GRK4: variants seen among roughly 807,000 people sequenced by gnomAD.
The protein encoded by GRK4 is G protein-coupled receptor kinase 4.
In GRK4, 73 loss-of-function variants were observed where a neutral mutation model predicts 77.9. The ratio of observed to expected loss-of-function variants is 0.94; its 90% CI spans 0.78 to 1.14. The LOEUF is 1.14. Among genes scored for constraint, GRK4 ranks in the 50% most tolerant of loss-of-function variants. The pLI, the probability that GRK4 is intolerant of heterozygous loss-of-function variation, is 0.00. For missense variants in GRK4, 729 were observed against 700.2 expected, an observed-to-expected ratio of 1.04 and a Z score of -0.46; for synonymous variants, 257 against 254.4, an observed-to-expected ratio of 1.01 and a Z score of -0.10.
rs538182816 is a variant in GRK4 at position 3,017,426 on chromosome 4, G to T, written c.742-2215G>T. Among the ~76,000 whole-genome samples, 4 of 152,300 alleles carry T rather than the reference G, an allele frequency of 2.6e-5. No homozygotes were observed. The South Asian group carries it at 8.3e-4, about 32-fold the overall frequency. On this transcript the variant is annotated intron_variant, in intron 8 of 15. Transcript: ENST00000398052. ...TTAGGACAGAGCTCCTCAGGGCCAT[G>T]CTCACCACTGCATCCCAGCTGCCCA...
At chr4:3,009,354 G>A (rs1302359897) in intron 6 of GRK4, among the ~76,000 whole-genome samples, 3 of 151,512 alleles carry the variant, frequency 2.0e-5, no homozygotes, top group Non-Finnish European at 4.4e-5. Flanking sequence ...TCCAGGAGGC[G>A]GAGGTTGCAG....
In GRK4 at chr4:3,038,396, C is replaced by G. The variant is rs1445949407; in HGVS notation, c.1566C>G (p.Phe522Leu). The G allele has an allele frequency of 1.2e-6, 2 of 1,614,158 alleles. No homozygotes were observed. Among genetic ancestry groups the G allele is most frequent in the African/African-American group, 2.7e-5 (2 of 75,050 alleles). The change falls in exon 15 of 16, where the codon TTC becomes TTG. Residue 522 changes from phenylalanine (F) to leucine (L), a missense_variant. Transcript: ENST00000398052. ...WQNEMIESGC[F>L]KDINKSESEE... ...TGCAGATGATCGAATCTGGGTGTTT[C>G]AAAGACATCAACAAAAGTGAAAGTG...
At chr4:2,965,296 C>T (rs1451112723) in intron 1 of GRK4, 3 of 702,912 alleles carry the variant, frequency 4.3e-6, no homozygotes, top group Non-Finnish European at 7.8e-6. Context: ...CAGCGGGAGA[C>T]CCCCACAATC....
At chr4:2,996,005 G>A (rs1376008560) in intron 4 of GRK4, among the ~76,000 whole-genome samples, 1 of 152,180 alleles carries the variant, frequency 6.6e-6, no homozygotes, top group Non-Finnish European at 1.5e-5. Flanking sequence ...TAGCTCAAGG[G>A]GGAGTGAGTC....
intron 8 of GRK4, among the ~76,000 whole-genome samples, chr4:3,015,201 A>T (rs73084128): frequency 0.057 from 8,668 of 152,224 alleles, 420 homozygotes; most frequent in African/African-American, 0.13. Context: ...ACCTAATTAC[A>T]TATGTCCTGT....
intron 1 of GRK4, among the ~76,000 whole-genome samples, chr4:2,964,553 G>T (rs1192823820): frequency 6.6e-6 from 1 of 152,132 alleles, no homozygotes; most frequent in Non-Finnish European, 1.5e-5. Flanking sequence ...TACTCTGGGC[G>T]AGAACCTTCC....
intron 1 of GRK4, among the ~76,000 whole-genome samples, chr4:2,979,060 T>C (rs1246177785): frequency 1.3e-5 from 2 of 151,820 alleles, no homozygotes; most frequent in Non-Finnish European, 2.9e-5. Flanking sequence ...AAACACCGTC[T>C]GTAAATACAA....
intron 3 of GRK4, among the ~76,000 whole-genome samples, chr4:2,991,661 G>A (rs888033478): frequency 2.0e-5 from 3 of 151,902 alleles, no homozygotes; most frequent in African/African-American, 7.3e-5. Context: ...ACAGGTATGC[G>A]CCACCACACC....
chr4:2,968,704 T>C (rs1461439258), intron 1 of GRK4, among the ~76,000 whole-genome samples: 3 of 152,006 alleles, frequency 2.0e-5, no homozygotes, highest in South Asian at 2.1e-4. Context: ...AAGCAGTGAG[T>C]GCCACGGGAG....
intron 12 of GRK4, among the ~76,000 whole-genome samples, chr4:3,035,055 A>G (rs1740209146): frequency 6.6e-6 from 1 of 151,860 alleles, no homozygotes; most frequent in Non-Finnish European, 1.5e-5. Flanking sequence ...CAGGAGATGG[A>G]GACCACGGTG....
At chr4:3,006,910 G>A (rs1731507467) in intron 5 of GRK4, among the ~76,000 whole-genome samples, 2 of 152,120 alleles carry the variant, frequency 1.3e-5, no homozygotes, top group African/African-American at 4.8e-5. Context: ...TCTTCATCTG[G>A]GATGCCACAG....
intron 1 of GRK4, among the ~76,000 whole-genome samples, chr4:2,971,856 G>A (rs1202180435): frequency 2.6e-5 from 4 of 152,104 alleles, no homozygotes; most frequent in South Asian, 2.1e-4. Flanking sequence ...TCATCTTCAC[G>A]TGGCGTGCCC....
chr4:2,968,965 G>A (rs1273738656), intron 1 of GRK4, among the ~76,000 whole-genome samples: 2 of 151,984 alleles, frequency 1.3e-5, no homozygotes, highest in Non-Finnish European at 2.9e-5. Flanking sequence ...GGGGAACCAG[G>A]CAGCTGGAAT....
At chr4:2,988,861 T>G in intron 3 of GRK4, 22 bp downstream of exon 3, 1 of 1,367,932 alleles carries the variant, frequency 7.3e-7, no homozygotes. Context: ...ATCTCCATAT[T>G]GAGCAACCAC....
chr4:3,026,747 GGGTGT>G (rs1484834466), intron 10 of GRK4, among the ~76,000 whole-genome samples: 2 of 152,236 alleles, frequency 1.3e-5, no homozygotes, highest in East Asian at 3.9e-4. Flanking sequence ...AGCAAGGGCG[GGGTGT>G]GGTGTATCAC....
chr4:3,008,156 T>G (rs1199464997), intron 6 of GRK4, among the ~76,000 whole-genome samples: 1 of 152,232 alleles, frequency 6.6e-6, no homozygotes, highest in African/African-American at 2.4e-5. Flanking sequence ...ATACAGAAAT[T>G]TTCATAGGTA....
Position 3,035,738 on chromosome 4 carries a change from GT to G in GRK4, c.1407+224del, listed in dbSNP as rs3832271. ...GTGCCCGGCTGCAACACAGTTTTTTGTTTTTTTTTGTTTTTTATTACAACAG... is the reference window on the plus strand; with the variant it reads ...GTGCCCGGCTGCAACACAGTTTTTTGTTTTTTTTGTTTTTTATTACAACAG... On this transcript the variant is annotated intron_variant, in intron 13 of 15. Transcript: ENST00000398052. Among the ~76,000 whole-genome samples, 1,391 of 150,734 alleles carry G rather than the reference GT, an allele frequency of 9.2e-3. 30 individuals carry two copies. Among genetic ancestry groups the G allele is most frequent in the East Asian group, 0.069 (352 of 5,114 alleles).
chr4:3,014,497 A>G (rs1158884030), intron 8 of GRK4, among the ~76,000 whole-genome samples: 1 of 151,504 alleles, frequency 6.6e-6, no homozygotes, highest in Non-Finnish European at 1.5e-5. Context: ...CTTATTTTTT[A>G]GAGATGAGAT....
chr4:3,016,714 A>AAAC (rs1734638163), intron 8 of GRK4, among the ~76,000 whole-genome samples: 1 of 138,224 alleles, frequency 7.2e-6, no homozygotes, highest in Non-Finnish European at 1.6e-5. Flanking sequence ...ACAAAGCAAA[A>AAAC]CAAAAAAAAA....
Sources: gnomAD v4.1 joint callset for allele counts (sites outside exome capture counted in the v4.1 genomes callset) on GRCh38, gnomAD v4.1.1 for gene constraint, MANE v1.5 for transcripts, NCBI Gene and HGNC (gene_info 2026-07-23, HGNC 2026-07-21) for gene names.